The following RUFY3 variants were observed in gnomAD, a reference collection of about 807,000 sequenced individuals.
RUFY3 encodes the protein protein RUFY3.
RUFY3 carries 34 observed loss-of-function variants against 84.0 expected under a neutral mutation model. The ratio of observed to expected loss-of-function variants is 0.40; its 90% CI spans 0.31 to 0.54. The LOEUF (loss-of-function observed/expected upper bound fraction) is 0.54. Among genes scored for constraint, RUFY3 ranks in the 20% least tolerant of loss-of-function variants. The probability of loss-of-function intolerance (pLI) is 0.39; values close to 1 mark genes in which losing one functional copy is unlikely to be tolerated. For missense variants in RUFY3, 507 were observed against 736.8 expected (o/e 0.69, Z 3.61); for synonymous variants, 242 against 252.9 (o/e 0.96, Z 0.41).
intron 17 of RUFY3, among the ~76,000 whole-genome samples, chr4:70,804,744 C>T (rs1311290362): frequency 4.1e-5 from 6 of 145,002 alleles, no homozygotes; most frequent in Non-Finnish European, 9.0e-5. Flanking sequence ...GGTAAAACCC[C>T]GTCTGTACTA....
intron 1 of RUFY3, among the ~76,000 whole-genome samples, chr4:70,714,747 G>A (rs1741380706): frequency 6.6e-6 from 1 of 152,210 alleles, no homozygotes; most frequent in Admixed American, 6.5e-5. Flanking sequence ...CTTTGGTGGA[G>A]CTTCTGGTCT....
At chr4:70,750,891 T>A (rs1224596507) in intron 1 of RUFY3, among the ~76,000 whole-genome samples, 1 of 152,210 alleles carries the variant, frequency 6.6e-6, no homozygotes, top group East Asian at 1.9e-4. Flanking sequence ...TTTTCAAGGG[T>A]TATCCATGTT....
chr4:70,794,741 T>C (rs1306424092), intron 13 of RUFY3, 54 bp from the exon 14 acceptor site: 1 of 1,140,220 alleles, frequency 8.8e-7, no homozygotes, highest in Non-Finnish European at 1.3e-6. Context: ...CTTTAGAGAA[T>C]ATGTCTGTAT....
chr4:70,751,677 C>T (rs1723154674), intron 1 of RUFY3, among the ~76,000 whole-genome samples: 1 of 152,026 alleles, frequency 6.6e-6, no homozygotes, highest in Admixed American at 6.6e-5. Context: ...TATTTTCTGC[C>T]ATTCTGTGGG....
intron 1 of RUFY3, among the ~76,000 whole-genome samples, chr4:70,724,891 A>G (rs1327302190): frequency 2.6e-5 from 4 of 152,220 alleles, no homozygotes; most frequent in African/African-American, 9.6e-5. Context: ...TTTAGCTATA[A>G]GCATTTAAGT....
At chr4:70,716,210 A>G (rs1411602114) in intron 1 of RUFY3, among the ~76,000 whole-genome samples, 1 of 151,982 alleles carries the variant, frequency 6.6e-6, no homozygotes, top group Non-Finnish European at 1.5e-5. Context: ...TGGTGGCATG[A>G]CGTCGGCTCA....
chr4:70,743,221 C>T (rs907611472), intron 1 of RUFY3, among the ~76,000 whole-genome samples: 5 of 151,968 alleles, frequency 3.3e-5, no homozygotes, highest in Non-Finnish European at 7.4e-5. Flanking sequence ...AGGTGCATAC[C>T]ACCATCCCTG....
chr4:70,704,956 C>T (rs1740087137), exon 1 of RUFY3: 7 of 1,227,186 alleles, frequency 5.7e-6, no homozygotes, highest in Non-Finnish European at 7.1e-6. Flanking sequence ...ACCCCGCCGC[C>T]GCCCACCGCT....
chr4:70,750,253 T>C (rs1722917817), intron 1 of RUFY3, among the ~76,000 whole-genome samples: 1 of 152,158 alleles, frequency 6.6e-6, no homozygotes, highest in Admixed American at 6.5e-5. Flanking sequence ...GCTTCAGTAA[T>C]TATTGCCAAT....
Position 70,806,776 on chromosome 4 carries a change from T to G in RUFY3, c.*117T>G. On this transcript the variant is annotated 3_prime_UTR_variant, in exon 18 of 18. Coordinates refer to ENST00000381006, the MANE Select transcript of RUFY3 (RefSeq NM_001037442.4). ...GAGTCAACTAAAGAGTTGATAGGAATTTACTAGGTCCAGGGAGAAAAGGCA... is the reference window on the plus strand; with the variant it reads ...GAGTCAACTAAAGAGTTGATAGGAAGTTACTAGGTCCAGGGAGAAAAGGCA... The G allele has an allele frequency of 7.7e-7, 1 of 1,290,572 alleles. No individual in the cohort carries two copies. Among genetic ancestry groups the G allele is most frequent in the Non-Finnish European group, 1.1e-6 (1 of 934,784 alleles). 79.9% of individuals were successfully genotyped at this position (1,290,572 alleles called of 1,614,324 possible). A position where few individuals can be genotyped will look rare whatever the true frequency, so the allele number is the denominator to read the frequency against.
Position 70,763,559 on chromosome 4 carries a change from A to G in RUFY3, c.360A>G (p.Lys120=). The G allele has an allele frequency of 1.2e-6, 2 of 1,604,568 alleles. No homozygotes were observed. Among genetic ancestry groups the G allele is most frequent in the South Asian group, 2.3e-5 (2 of 88,700 alleles). The part of the protein sequence containing the change: ...HCLKHGLKAK[K]TFLGQNKSFW... The stretch of plus-strand genomic sequence containing the variant: ...TTATTTTTGTTGCCTTAGCTAAAAA[A>G]ACTTTTCTCGGACAAAATAAATCCT... Residue 120 remains lysine, a synonymous_variant, in exon 3 of 18, where the codon AAA becomes AAG. Coordinates refer to ENST00000381006, the MANE Select transcript of RUFY3 (RefSeq NM_001037442.4).
At chr4:70,775,940 T>TAAACAAAAAAAAAAA (rs1727872171) in intron 7 of RUFY3, among the ~76,000 whole-genome samples, 1 of 16,158 alleles carries the variant, frequency 6.2e-5, no homozygotes, top group African/African-American at 3.6e-4. Context: ...GACACTGTCT[T>TAAACAAAAAAAAAAA]AAACAAAAAA....
At chr4:70,795,655 C>T (rs900720089) in intron 14 of RUFY3, among the ~76,000 whole-genome samples, 2 of 152,168 alleles carry the variant, frequency 1.3e-5, no homozygotes, top group African/African-American at 4.8e-5. Flanking sequence ...GATATATAAA[C>T]TTTATTTCTC....
intron 12 of RUFY3, chr4:70,791,667 G>A (rs1213568821): frequency 2.3e-5 from 24 of 1,026,960 alleles, no homozygotes; most frequent in Admixed American, 5.5e-5. Flanking sequence ...CCAGATTCTC[G>A]GTGCATTGTT....
At chr4:70,752,231 T>G (rs1274799516) in intron 1 of RUFY3, among the ~76,000 whole-genome samples, 1 of 152,242 alleles carries the variant, frequency 6.6e-6, no homozygotes, top group Non-Finnish European at 1.5e-5. Context: ...TTGTTGCTAA[T>G]GTATACAAAT....
chr4:70,800,680 T>G (rs1311786426), intron 15 of RUFY3, among the ~76,000 whole-genome samples: 1 of 152,020 alleles, frequency 6.6e-6, no homozygotes, highest in Non-Finnish European at 1.5e-5. Flanking sequence ...GATTAGAAGT[T>G]CGAGACCAGC....
chr4:70,728,592 C>A (rs1474509597), intron 1 of RUFY3, among the ~76,000 whole-genome samples: 2 of 152,166 alleles, frequency 1.3e-5, no homozygotes, highest in Non-Finnish European at 2.9e-5. Flanking sequence ...TGCCTTTACT[C>A]TGTAAAGTGT....
At chr4:70,720,598 A>G (rs1332065548), upstream of RUFY3, among the ~76,000 whole-genome samples, 1 of 152,218 alleles carries the variant, frequency 6.6e-6, no homozygotes, top group Non-Finnish European at 1.5e-5. Flanking sequence ...TGAGATTTTA[A>G]CAATATTCAA....
chr4:70,793,637 T>G (rs1001785701), intron 12 of RUFY3, 148 bp from the exon 13 acceptor site: 1 of 1,501,420 alleles, frequency 6.7e-7, no homozygotes, highest in Non-Finnish European at 8.9e-7. Flanking sequence ...CCCCATAATT[T>G]CTTCACCTGT....
Sources: gnomAD v4.1 joint callset for allele counts (sites outside exome capture counted in the v4.1 genomes callset) on GRCh38, gnomAD v4.1.1 for gene constraint, MANE v1.5 for transcripts, NCBI Gene and HGNC (gene_info 2026-07-23, HGNC 2026-07-21) for gene names.